The following LRRC45 variants were observed in gnomAD, a reference collection of about 807,000 sequenced individuals.
LRRC45 encodes the protein leucine-rich repeat-containing protein 45.
Under a neutral mutation model 85.4 loss-of-function variants are expected in LRRC45, and 73 were observed. That is an observed-to-expected ratio of 0.85 (90% CI 0.71 to 1.04). The LOEUF (loss-of-function observed/expected upper bound fraction) is 1.04. Ranked by LOEUF, LRRC45 falls within the 50% of genes least tolerant of loss-of-function variation. LRRC45 has a pLI of 0.00. For missense variants in LRRC45, 937 were observed against 883.3 expected (o/e 1.06, Z -0.77); for synonymous variants, 429 against 386.0 (o/e 1.11, Z -1.31).
chr17:82,023,333 C>G lies in LRRC45; in HGVS notation c.-311C>G, dbSNP rs1046375657. On this transcript the variant is annotated 5_prime_UTR_variant, in exon 1 of 17. Coordinates refer to ENST00000306688, the MANE Select transcript of LRRC45 (RefSeq NM_144999.4). ...CTTCCTGGATACTGAGGCCCCGACG[C>G]GGCTGTCGCGAGGGCGGGGGTCGGG... The G allele has an allele frequency of 2.2e-6, 1 of 450,106 alleles. No homozygotes were observed. Among genetic ancestry groups the G allele is most frequent in the Non-Finnish European group, 3.9e-6 (1 of 254,712 alleles). 27.9% of individuals were successfully genotyped at this position (450,106 alleles called of 1,614,324 possible). A position where few individuals can be genotyped will look rare whatever the true frequency, so the allele number is the denominator to read the frequency against.
rs1786398734 is a variant in LRRC45, at chr17:82,024,578, G to A, written c.283-115G>A. The A allele has an allele frequency of 7.2e-6, 9 of 1,249,208 alleles. No individual in the cohort carries two copies. The South Asian group carries it at 1.3e-4, about 18-fold the overall frequency. 77.4% of individuals were successfully genotyped at this position (1,249,208 alleles called of 1,614,324 possible). On this transcript the variant is annotated intron_variant, in intron 2 of 16. Transcript: ENST00000306688. ...GACAGGGAGCCCAGGAGCTGAGGAA[G>A]GCTGCAGGGTGCACCCCAGGCTTGT...
rs562343901 is a variant in LRRC45, at chr17:82,029,932, G to A, written c.1495-133G>A. 1.5e-3 allele frequency: 1,753 copies of A among 1,167,948 alleles called. 3 individuals carry two copies. Among genetic ancestry groups the A allele is most frequent in the Non-Finnish European group, 1.9e-3 (1,637 of 854,018 alleles). The allele number at this position is 1,167,948 out of a possible 1,614,324, so 72.3% of individuals were successfully genotyped here. ...GGCATCTGGAGGAGGTGGCTGCCAG[G>A]GGAGCGGGTTCAGAGTCATAGTAAC... On this transcript the variant is annotated intron_variant, in intron 14 of 16. Coordinates refer to ENST00000306688, the MANE Select transcript of LRRC45 (RefSeq NM_144999.4).
At position 82,030,212 on chromosome 17, in the gene LRRC45, C is replaced by T. The variant is rs1243800742; in HGVS notation, c.1642C>T (p.Arg548Trp). The change falls in exon 15 of 17, where the codon CGG (arginine) becomes TGG (tryptophan). Residue 548 changes from arginine to tryptophan, a missense_variant. Arg to Trp is a moderately radical substitution (Grantham distance 101). Transcript: ENST00000306688. ...SQLGLQVEGLRRRLEELQQEL... is the reference protein window; with the variant it reads ...SQLGLQVEGLWRRLEELQQEL... ...GCTGGGCCTGCAAGTTGAGGGCCTG[C>T]GGCGGCGCCTGGAAGAGCTGCAGCA... The T allele has an allele frequency of 2.0e-6, 3 of 1,536,772 alleles. No homozygotes were observed. The African/African-American group carries it at 4.1e-5, about 21-fold the overall frequency.
In LRRC45 at chr17:82,023,645, TGGA is replaced by T. The variant is rs2144136165; in HGVS notation, c.7_9del (p.Glu3?). On this transcript the variant is annotated start_lost and inframe_deletion, in exon 1 of 17. Transcript: ENST00000306688. ...GAGGCCCTGCCGGCCCCGCGGGTCA[TGGA>T]GGAGTTCCGGCGCTCCTACAGCCGC... is the stretch of plus-strand genomic sequence containing the variant. The T allele has an allele frequency of 6.5e-7, 1 of 1,534,782 alleles. No homozygotes were observed. The highest frequency in any genetic ancestry group is 1.4e-5 in the African/African-American group (1 of 73,534).
Position 82,030,080 on chromosome 17 carries a change from C to T in LRRC45, c.1510C>T (p.His504Tyr). The change falls in exon 15 of 17, where the codon CAC (histidine) becomes TAC (tyrosine). Residue 504 changes from histidine to tyrosine, a missense_variant. Coordinates refer to ENST00000306688, the MANE Select transcript of LRRC45 (RefSeq NM_144999.4). ...ARLEEQQRLA[H>Y]LEDKLRLLAQ... ...GTGCTCACAGCAACAGCGCCTGGCT[C>T]ACCTGGAGGACAAGCTGAGACTGCT... 1.3e-6 allele frequency: 2 copies of T among 1,545,584 alleles called. No homozygotes were observed. Among genetic ancestry groups the T allele is most frequent in the South Asian group, 2.4e-5 (2 of 83,970 alleles).
chr17:82,024,169 G>C, intron 1 of LRRC45, 109 bp from the exon 2 acceptor site: 2 of 1,285,362 alleles, frequency 1.6e-6, no homozygotes, highest in Non-Finnish European at 2.2e-6. Context: ...CCAGACCATC[G>C]GGACAGTTGT....
intron 13 of LRRC45, 121 bp from the exon 14 acceptor site, chr17:82,029,422 G>A (rs775982292): frequency 7.8e-6 from 9 of 1,153,598 alleles, no homozygotes; most frequent in South Asian, 2.7e-5. Context: ...GAGCAGCTGC[G>A]TGGCCCTCAG....
At position 82,030,073 on chromosome 17, in the gene LRRC45, C is replaced by G. The variant is rs1250398398; in HGVS notation, c.1503C>G (p.Arg501=). ...GGCCCCTGTGCTCACAGCAACAGCG[C>G]CTGGCTCACCTGGAGGACAAGCTGA... is the stretch of plus-strand genomic sequence containing the variant. ...KSQARLEEQQ[R]LAHLEDKLRL... Residue 501 remains arginine, a synonymous_variant, in exon 15 of 17, where the codon CGC becomes CGG. Transcript: ENST00000306688. 6 of 1,544,674 alleles carry G rather than the reference C, an allele frequency of 3.9e-6. No individual in the cohort carries two copies.
chr17:82,024,580 CTGCAGGGTGCACCCCAGGCT>C, intron 2 of LRRC45, 93 bp from the exon 3 acceptor site: 1 of 1,262,296 alleles, frequency 7.9e-7, no homozygotes, highest in Middle Eastern at 2.0e-4. Flanking sequence ...CTGAGGAAGG[CTGCAGGGTGCACCCCAGGCT>C]TGTCCCCTGG....
intron 1 of LRRC45, 24 bp from the exon 2 acceptor site, chr17:82,024,254 T>A (rs1162460538): frequency 6.2e-7 from 1 of 1,609,214 alleles, no homozygotes; most frequent in South Asian, 1.1e-5. Flanking sequence ...GGGCAGAGAG[T>A]GACCGCCGGC....
At chr17:82,027,939 G>A in intron 8 of LRRC45, 72 bp from the exon 9 acceptor site, 1 of 1,544,082 alleles carries the variant, frequency 6.5e-7, no homozygotes, top group East Asian at 2.3e-5. Context: ...CAGCAACAGT[G>A]AAAGCAGCGA....
At position 82,028,701 on chromosome 17, in the gene LRRC45, C is replaced by T. The variant is rs757209583; in HGVS notation, c.1308+18C>T. On this transcript the variant is annotated intron_variant, in intron 12 of 16. Transcript: ENST00000306688. ...TCAAGGAGGTGCCCTCTTCGTTGGC[C>T]TCTAATGCGCCTCAGTCTCTGGTCT... 9 of 1,603,480 alleles carry T rather than the reference C, an allele frequency of 5.6e-6. No individual in the cohort carries two copies. The highest frequency in any genetic ancestry group is 7.7e-6 in the Non-Finnish European group (9 of 1,175,478).
intron 9 of LRRC45, 22 bp downstream of exon 9, chr17:82,028,168 G>T: frequency 6.4e-7 from 1 of 1,561,056 alleles, no homozygotes; most frequent in Non-Finnish European, 8.7e-7. Context: ...GGGCTTGAGA[G>T]GGGTGGGCCA....
intron 8 of LRRC45, 127 bp downstream of exon 8, chr17:82,027,878 C>G (rs2043382019): frequency 1.3e-6 from 2 of 1,508,900 alleles, no homozygotes; most frequent in African/African-American, 2.8e-5. Context: ...GGGCAGTAAC[C>G]CAGAAGCCTT....
chr17:82,025,021 C>A lies in LRRC45; in HGVS notation c.375C>A (p.Ser125Arg). ...SIQSLTLEWNSLGTWDDAFAT... is the reference protein window; with the variant it reads ...SIQSLTLEWNRLGTWDDAFAT... The stretch of plus-strand genomic sequence containing the variant: ...GCAGCCTCACGCTGGAGTGGAACAG[C>A]CTGGGCACGTGGGACGATGCCTTCG... The change falls in exon 4 of 17, where the codon AGC becomes AGA. Residue 125 changes from serine to arginine, a missense_variant. Transcript: ENST00000306688. 6.3e-7 allele frequency: 1 copy of A among 1,597,054 alleles called. No individual in the cohort carries two copies. The highest frequency in any genetic ancestry group is 8.5e-7 in the Non-Finnish European group (1 of 1,172,204).
chr17:82,024,075 G>A (rs374719068), intron 1 of LRRC45: 9 of 728,230 alleles, frequency 1.2e-5, no homozygotes, highest in African/African-American at 7.1e-5. Flanking sequence ...CTGGTTCCCC[G>A]CGTGCAGAGC....
chr17:82,024,214 G>A lies in LRRC45; in HGVS notation c.221-64G>A, dbSNP rs2043343926. On this transcript the variant is annotated intron_variant, in intron 1 of 16. Coordinates refer to ENST00000306688, the MANE Select transcript of LRRC45 (RefSeq NM_144999.4). ...GGTCTAGGGAGCTGCCCTGAAAAGGGGCCCACGGGGAGGGCCTTGGGGTCA... is the reference window on the plus strand; with the variant it reads ...GGTCTAGGGAGCTGCCCTGAAAAGGAGCCCACGGGGAGGGCCTTGGGGTCA... The A allele has an allele frequency of 3.8e-6, 6 of 1,574,970 alleles. No individual in the cohort carries two copies. In the South Asian group the frequency reaches 6.7e-5, roughly 18 times the overall value.
At position 82,027,738 on chromosome 17, in the gene LRRC45, G is replaced by C. The variant is rs1432262107; in HGVS notation, c.898G>C (p.Ala300Pro). 1 of 1,610,938 alleles carries C rather than the reference G, an allele frequency of 6.2e-7. No individual in the cohort carries two copies. The highest frequency in any genetic ancestry group is 8.5e-7 in the Non-Finnish European group (1 of 1,179,128). Reference sequence around the variant, plus strand: ...GAATGAGAGGCACTCCATCATCAACGCTCTCAAGGCCAAGTAAGTGGGGGG... The same window carrying C: ...GAATGAGAGGCACTCCATCATCAACCCTCTCAAGGCCAAGTAAGTGGGGGG... ...ALNERHSIIN[A>P]LKAKLQMTEA... Residue 300 changes from alanine to proline, a missense_variant, in exon 8 of 17, where the codon GCT becomes CCT. By Grantham distance (27) the Ala-to-Pro change is conservative. Coordinates refer to ENST00000306688, the MANE Select transcript of LRRC45 (RefSeq NM_144999.4).
At position 82,027,391 on chromosome 17, in the gene LRRC45, C is replaced by T. The variant is rs371301942; in HGVS notation, c.780C>T (p.Leu260=). Residue 260 remains leucine (L), a synonymous_variant, in exon 7 of 17, where the codon CTC becomes CTT. Transcript: ENST00000306688. ...HLREEKSKQF[L]DLMETIDKQR... is the part of the protein sequence containing the mutation. ...GCGGCTGTCTCTGTCCCCAGTTCCT[C>T]GACTTGATGGAGACTATTGATAAGC... 58 of 1,612,486 alleles carry T rather than the reference C, an allele frequency of 3.6e-5. No individual in the cohort carries two copies. The highest frequency in any genetic ancestry group is 1.6e-4 in the Middle Eastern group (1 of 6,082).
Sources: gnomAD v4.1 joint callset for allele counts on GRCh38, gnomAD v4.1.1 for gene constraint, MANE v1.5 for transcripts, NCBI Gene and HGNC (gene_info 2026-07-23, HGNC 2026-07-21) for gene names.